Variants in MAP3K7 observed in about 807,000 individuals in gnomAD.
MAP3K7 encodes the protein TGF-beta activated kinase 1.
In MAP3K7, 21 loss-of-function variants were observed where a neutral mutation model predicts 84.8. The ratio of observed to expected loss-of-function variants is 0.25; its 90% CI spans 0.18 to 0.36. The LOEUF (loss-of-function observed/expected upper bound fraction) is 0.36, where lower values mean the gene tolerates loss of function less well. Ranked by LOEUF, MAP3K7 falls within the 10% of genes least tolerant of loss-of-function variation. The pLI is 1.00. For synonymous variants in MAP3K7, 241 were observed against 247.7 expected, an observed-to-expected ratio of 0.97 and a Z score of 0.25; for missense variants, 503 against 747.7, an observed-to-expected ratio of 0.67 and a Z score of 3.82.
rs745579544 is a variant in MAP3K7, at chr6:90,571,819, A to C, written c.121-12T>G. 1 of 1,501,658 alleles carries C rather than the reference A, an allele frequency of 6.7e-7. No homozygotes were observed. Among genetic ancestry groups the C allele is most frequent in the Non-Finnish European group, 9.1e-7 (1 of 1,101,226 alleles). 93.0% of individuals were successfully genotyped at this position (1,501,658 alleles called of 1,614,324 possible). ...CCTCTTCCAACAACCTGAGTTAAAC[A>C]AACAAACAAAAAACAAACAAAAAAC... On this transcript the variant is annotated splice_polypyrimidine_tract_variant and intron_variant, in intron 1 of 16. Transcript: ENST00000369329.
intron 3 of MAP3K7, among the ~76,000 whole-genome samples, chr6:90,562,010 C>T (rs999828468): frequency 1.6e-4 from 24 of 152,234 alleles, no homozygotes; most frequent in African/African-American, 5.1e-4. Flanking sequence ...TCTTCCGATA[C>T]AGTTTTGCTA....
At chr6:90,568,730 C>T in intron 2 of MAP3K7, 107 bp from the exon 3 acceptor site, 1 of 771,876 alleles carries the variant, frequency 1.3e-6, no homozygotes, top group Non-Finnish European at 2.1e-6. Context: ...TTAAATCATT[C>T]AACAATCACT....
chr6:90,559,784 T>C (rs529672082), intron 5 of MAP3K7, among the ~76,000 whole-genome samples: 1 of 152,310 alleles, frequency 6.6e-6, no homozygotes, highest in Non-Finnish European at 1.5e-5. Flanking sequence ...AGCAACATTA[T>C]ATACTGCAGG....
intron 9 of MAP3K7, among the ~76,000 whole-genome samples, chr6:90,549,894 C>T (rs1776126740): frequency 6.6e-6 from 1 of 152,150 alleles, no homozygotes; most frequent in Non-Finnish European, 1.5e-5. Flanking sequence ...TAGACACACA[C>T]ATATCTTTAA....
intron 13 of MAP3K7, among the ~76,000 whole-genome samples, chr6:90,530,469 T>G (rs535015704): frequency 4.5e-4 from 69 of 152,324 alleles, no homozygotes; most frequent in African/African-American, 1.6e-3. Flanking sequence ...CACCTTCTAC[T>G]TTCCAAGAAA....
At position 90,527,866 on chromosome 6, in the gene MAP3K7, CTTTTTTTTTTTT is replaced by C. The variant is rs991440454; in HGVS notation, c.1357-4095_1357-4084del. Among the ~76,000 whole-genome samples the C allele has an allele frequency of 9.0e-4, 40 of 44,650 alleles. 8 individuals carry two copies. The highest frequency in any genetic ancestry group is 3.1e-3 in the African/African-American group (22 of 7,054). The allele number at this position is 44,650 out of a possible 152,430, so 29.3% of individuals were successfully genotyped here. A position where few individuals can be genotyped will look rare whatever the true frequency, so the allele number is the denominator to read the frequency against. ...GAAACTAAAATGGGTTTCATAAGGA[CTTTTTTTTTTTT>C]TTTTTTTTTTTTTTTTTTGAGACGG... On this transcript the variant is annotated intron_variant, in intron 13 of 16. Transcript: ENST00000369329.
chr6:90,556,884 C>T (rs1431948348), intron 5 of MAP3K7, among the ~76,000 whole-genome samples: 3 of 152,104 alleles, frequency 2.0e-5, no homozygotes, highest in African/African-American at 7.2e-5. Context: ...TCTCTAGCTC[C>T]AAAATCTTTC....
intron 1 of MAP3K7, among the ~76,000 whole-genome samples, chr6:90,585,204 T>C (rs887373128): frequency 6.6e-6 from 1 of 152,192 alleles, no homozygotes; most frequent in African/African-American, 2.4e-5. Flanking sequence ...AGCTAATAAA[T>C]GGCATATCTG....
At position 90,515,139 on chromosome 6, in the gene MAP3K7, A is replaced by G. The variant is rs1190034255; in HGVS notation, c.*1362T>C. On this transcript the variant is annotated 3_prime_UTR_variant, in exon 17 of 17. Transcript: ENST00000369329. The stretch of plus-strand genomic sequence containing the variant: ...AATACAGTCATGATAGAATTCTAAT[A>G]ATCACAGCAATTAATGCTTTCATTT... 1 of 152,006 alleles carries G rather than the reference A, an allele frequency of 6.6e-6. No individual in the cohort carries two copies. Among genetic ancestry groups the G allele is most frequent in the East Asian group, 1.9e-4 (1 of 5,186 alleles). 9.4% of individuals were successfully genotyped at this position (152,006 alleles called of 1,614,324 possible).
chr6:90,556,766 T>C (rs1377784631), intron 5 of MAP3K7, 142 bp from the exon 6 acceptor site: 4 of 801,428 alleles, frequency 5.0e-6, no homozygotes, highest in Non-Finnish European at 7.5e-6. Flanking sequence ...ACTAATTTAC[T>C]TGGTCACTAT....
intron 13 of MAP3K7, among the ~76,000 whole-genome samples, chr6:90,527,704 C>A (rs1272993897): frequency 2.0e-5 from 3 of 152,326 alleles, no homozygotes; most frequent in Admixed American, 6.5e-5. Flanking sequence ...CCAACCCCCA[C>A]TGGGATTGCT....
At chr6:90,582,603 G>A (rs990771012) in intron 1 of MAP3K7, among the ~76,000 whole-genome samples, 1 of 152,174 alleles carries the variant, frequency 6.6e-6, no homozygotes, top group Non-Finnish European at 1.5e-5. Context: ...TGGGGGAACA[G>A]CGCTTTAGGC....
At chr6:90,550,257 C>G (rs1776138050) in intron 9 of MAP3K7, among the ~76,000 whole-genome samples, 1 of 152,098 alleles carries the variant, frequency 6.6e-6, no homozygotes, top group Admixed American at 6.5e-5. Flanking sequence ...TGTAGGAATT[C>G]TAAGACTTGG....
intron 5 of MAP3K7, among the ~76,000 whole-genome samples, chr6:90,559,737 C>T (rs542466052): frequency 2.6e-5 from 4 of 152,252 alleles, no homozygotes; most frequent in South Asian, 4.2e-4. Context: ...GCAAGAAAAA[C>T]GTCAGACCTA....
intron 13 of MAP3K7, among the ~76,000 whole-genome samples, chr6:90,524,939 A>G (rs1458982703): frequency 6.6e-6 from 1 of 152,204 alleles, no homozygotes; most frequent in Non-Finnish European, 1.5e-5. Flanking sequence ...GGTATTTACT[A>G]AAAGTAGTAA....
At chr6:90,566,525 AAGG>A (rs1776710398) in intron 3 of MAP3K7, among the ~76,000 whole-genome samples, 1 of 152,206 alleles carries the variant, frequency 6.6e-6, no homozygotes, top group East Asian at 1.9e-4. Flanking sequence ...GGACCTCTTC[AAGG>A]AGAACTACAA....
chr6:90,572,580 A>C (rs1037628074), intron 1 of MAP3K7, among the ~76,000 whole-genome samples: 12 of 151,820 alleles, frequency 7.9e-5, no homozygotes, highest in East Asian at 1.9e-4. Flanking sequence ...AAAAAAAAAA[A>C]ACCAAAAACC....
intron 4 of MAP3K7, 44 bp downstream of exon 4, chr6:90,561,578 A>G (rs781260844): frequency 8.9e-6 from 13 of 1,458,820 alleles, no homozygotes; most frequent in Non-Finnish European, 1.2e-5. Context: ...AATTTTTCAA[A>G]TTATTTTAAT....
At chr6:90,551,943 A>G (rs1776191505) in intron 8 of MAP3K7, 106 bp downstream of exon 8, 4 of 1,228,220 alleles carry the variant, frequency 3.3e-6, no homozygotes, top group Non-Finnish European at 4.4e-6. Context: ...AAACATAGCA[A>G]TATATAAAGC....
Sources: gnomAD v4.1 joint callset for allele counts (sites outside exome capture counted in the v4.1 genomes callset) on GRCh38, gnomAD v4.1.1 for gene constraint, MANE v1.5 for transcripts, NCBI Gene and HGNC (gene_info 2026-07-23, HGNC 2026-07-21) for gene names.